The following SETBP1 variants were observed in gnomAD, a reference collection of about 807,000 sequenced individuals.
SETBP1 encodes the protein SET binding protein 1, also known as SET-binding protein.
SETBP1 carries 9 observed loss-of-function variants against 101.0 expected under a neutral mutation model. The observed-to-expected ratio is 0.09, with a 90% CI of 0.05 to 0.16. The LOEUF (loss-of-function observed/expected upper bound fraction) is 0.16, where lower values mean the gene tolerates loss of function less well. Among genes scored for constraint, SETBP1 ranks in the 10% least tolerant of loss-of-function variants. SETBP1 has a pLI of 1.00. For missense variants in SETBP1, 1,858 were observed against 2,033.8 expected (o/e 0.91, Z 1.66); for synonymous variants, 818 against 788.5 (o/e 1.04, Z -0.63).
At chr18:44,775,529 A>G (rs1042567839) in intron 2 of SETBP1, among the ~76,000 whole-genome samples, 1 of 151,864 alleles carries the variant, frequency 6.6e-6, no homozygotes, top group Admixed American at 6.6e-5. Flanking sequence ...CACTTCCTCC[A>G]TAGTGTTGTT....
At chr18:45,040,913 G>A (rs150276950) in intron 5 of SETBP1, among the ~76,000 whole-genome samples, 4 of 152,138 alleles carry the variant, frequency 2.6e-5, no homozygotes, top group Non-Finnish European at 4.4e-5. Context: ...ACTTTTGGGG[G>A]GAAATAGGCC....
intron 4 of SETBP1, among the ~76,000 whole-genome samples, chr18:45,031,492 C>A (rs1378267449): frequency 6.6e-6 from 1 of 152,050 alleles, no homozygotes; most frequent in Admixed American, 6.6e-5. Flanking sequence ...CTAGTAAGAC[C>A]AGCAGTCTCA....
chr18:44,877,214 G>A lies in SETBP1; in HGVS notation c.540+7931G>A, dbSNP rs75200615. On this transcript the variant is annotated intron_variant, in intron 3 of 5. Coordinates refer to ENST00000649279, the MANE Select transcript of SETBP1 (RefSeq NM_015559.3). ...TGGGATACATTTAGAAACTTTTATA[G>A]CAATTTGACATTTTTGTGATATCCA... The A allele has an allele frequency of 1.4e-3, 1,042 of 764,852 alleles. 13 individuals are homozygous for A. In the African/African-American group the frequency reaches 0.018, roughly 13 times the overall value. The allele number at this position is 764,852 out of a possible 1,614,324, so 47.4% of individuals were successfully genotyped here. A position where few individuals can be genotyped will look rare whatever the true frequency, so the allele number is the denominator to read the frequency against.
chr18:44,925,676 A>G (rs189829062), intron 3 of SETBP1, among the ~76,000 whole-genome samples: 154 of 152,354 alleles, frequency 1.0e-3, no homozygotes, highest in African/African-American at 3.4e-3. Context: ...CTGATTTTAC[A>G]GGGAGTACAT....
intron 2 of SETBP1, among the ~76,000 whole-genome samples, chr18:44,723,717 AT>A (rs2069650613): frequency 6.6e-6 from 1 of 151,950 alleles, no homozygotes; most frequent in Non-Finnish European, 1.5e-5. Flanking sequence ...GGGGCCTTTT[AT>A]TTCCCAGCTG....
At chr18:44,825,030 T>G (rs5023224) in intron 2 of SETBP1, among the ~76,000 whole-genome samples, 151,250 of 152,380 alleles carry the variant, frequency 0.99, 75,076 homozygotes, top group Middle Eastern at 1. Context: ...CACCTAAACA[T>G]ATAGAGTTAC....
At chr18:44,822,510 T>G (rs2072133235) in intron 2 of SETBP1, among the ~76,000 whole-genome samples, 1 of 152,252 alleles carries the variant, frequency 6.6e-6, no homozygotes, top group Admixed American at 6.5e-5. Context: ...CTTTAGCTGT[T>G]CATCCCAAAA....
intron 2 of SETBP1, among the ~76,000 whole-genome samples, chr18:44,709,170 G>A (rs1242993124): frequency 6.6e-6 from 1 of 152,098 alleles, no homozygotes; most frequent in South Asian, 2.1e-4. Flanking sequence ...TCCTGGTTTG[G>A]TGTTCTCTTG....
rs2073953468 is a variant in SETBP1, at chr18:45,065,375, A to G, written c.*1677A>G. Reference sequence around the variant, plus strand: ...AAGAGACACTGAGAGAGAGAATTAAATTTTCTAATGGGAATTAGAATATCT... The same window carrying G: ...AAGAGACACTGAGAGAGAGAATTAAGTTTTCTAATGGGAATTAGAATATCT... On this transcript the variant is annotated 3_prime_UTR_variant, in exon 6 of 6. Transcript: ENST00000649279. 6.6e-6 allele frequency: 1 copy of G among 152,208 alleles called. No individual in the cohort carries two copies. Among genetic ancestry groups the G allele is most frequent in the Non-Finnish European group, 1.5e-5 (1 of 68,036 alleles). 9.4% of individuals were successfully genotyped at this position (152,208 alleles called of 1,614,324 possible).
At chr18:44,928,118 C>T (rs1317810615) in intron 3 of SETBP1, among the ~76,000 whole-genome samples, 5 of 152,112 alleles carry the variant, frequency 3.3e-5, no homozygotes, top group African/African-American at 9.7e-5. Context: ...GTGTGATGTT[C>T]GCACCCTGTG....
At chr18:44,947,325 A>AG (rs2071230004) in intron 3 of SETBP1, among the ~76,000 whole-genome samples, 1 of 151,986 alleles carries the variant, frequency 6.6e-6, no homozygotes, top group Admixed American at 6.6e-5. Flanking sequence ...AGAGAAAAAA[A>AG]CGGTAGGAGT....
At chr18:45,060,312 C>T (rs2073871570) in intron 5 of SETBP1, among the ~76,000 whole-genome samples, 1 of 152,106 alleles carries the variant, frequency 6.6e-6, no homozygotes, top group Non-Finnish European at 1.5e-5. Flanking sequence ...ACAGTTATTG[C>T]CCAATCACTC....
At chr18:44,696,173 G>A (rs1425457910) in intron 1 of SETBP1, among the ~76,000 whole-genome samples, 2 of 152,190 alleles carry the variant, frequency 1.3e-5, no homozygotes, top group African/African-American at 4.8e-5. Context: ...TGTTGGCCAT[G>A]GTGCTAGGTG....
At chr18:44,992,150 TAAGAAAGGCTAAAAC>T (rs2072392585) in intron 4 of SETBP1, among the ~76,000 whole-genome samples, 1 of 151,940 alleles carries the variant, frequency 6.6e-6, no homozygotes, top group African/African-American at 2.4e-5. Context: ...CATTAGGAAA[TAAGAAAGGCTAAAAC>T]AAGAAAGGCT....
At chr18:44,961,284 G>A (rs1408333757) in intron 4 of SETBP1, among the ~76,000 whole-genome samples, 5 of 152,254 alleles carry the variant, frequency 3.3e-5, no homozygotes, top group African/African-American at 4.8e-5. Flanking sequence ...AAGATGCAGA[G>A]TTTATGGAGG....
At chr18:44,956,799 C>G (rs1038709201) in intron 4 of SETBP1, among the ~76,000 whole-genome samples, 7 of 152,184 alleles carry the variant, frequency 4.6e-5, no homozygotes, top group Admixed American at 3.3e-4. Flanking sequence ...AGCAGTTGCA[C>G]ACTCCATTTC....
chr18:44,892,837 C>G (rs972811784), intron 3 of SETBP1, among the ~76,000 whole-genome samples: 9 of 152,088 alleles, frequency 5.9e-5, no homozygotes, highest in Non-Finnish European at 5.9e-5. Context: ...ATTTTCTCAA[C>G]CAAGCCTTTA....
chr18:45,053,539 G>A (rs535144458), intron 5 of SETBP1, among the ~76,000 whole-genome samples: 23 of 152,178 alleles, frequency 1.5e-4, no homozygotes, highest in East Asian at 1.4e-3. Context: ...CTAATGTCCT[G>A]GTCAATATGT....
At chr18:44,958,447 A>G (rs182073635) in intron 4 of SETBP1, among the ~76,000 whole-genome samples, 1 of 152,276 alleles carries the variant, frequency 6.6e-6, no homozygotes, top group African/African-American at 2.4e-5. Context: ...GAACACAAAT[A>G]TGAACATTTT....
Sources: allele counts gnomAD v4.1 joint callset (sites outside exome capture counted in the v4.1 genomes callset), GRCh38; gene constraint gnomAD v4.1.1; transcripts MANE v1.5; gene names NCBI Gene and HGNC (gene_info 2026-07-23, HGNC 2026-07-21).